The following GABPB2 variants were observed in gnomAD, a reference collection of about 807,000 sequenced individuals.
GABPB2 encodes the protein GA binding protein transcription factor subunit beta 2.
GABPB2 carries 23 observed loss-of-function variants against 39.1 expected under a neutral mutation model. That is an observed-to-expected ratio of 0.59 (90% CI 0.42 to 0.83). The LOEUF is 0.83. Among genes scored for constraint, GABPB2 ranks in the 40% least tolerant of loss-of-function variants. GABPB2 has a pLI of 0.00. For missense variants in GABPB2, 467 were observed against 541.1 expected (o/e 0.86, Z 1.36); for synonymous variants, 184 against 199.3 (o/e 0.92, Z 0.65).
chr1:151,109,944 T>C (rs1336553171), intron 7 of GABPB2, among the ~76,000 whole-genome samples: 2 of 150,834 alleles, frequency 1.3e-5, no homozygotes, highest in African/African-American at 2.4e-5. Context: ...GTTCAAGTGA[T>C]TCTCCTGCCT....
rs1395955733 is a variant in GABPB2 at position 151,101,052 on chromosome 1, CTGGGCAGCA to C, written c.623-2506_623-2498del. 1.3e-3 allele frequency among the ~76,000 whole-genome samples: 196 copies of C among 150,856 alleles called. 2 individuals are homozygous for C. The highest frequency in any genetic ancestry group is 4.5e-3 in the African/African-American group (186 of 41,034). On this transcript the variant is annotated intron_variant, in intron 5 of 8. Coordinates refer to ENST00000368918, the MANE Select transcript of GABPB2 (RefSeq NM_144618.3). Reference sequence around the variant, plus strand: ...TTGAACTCATGAGTTCGAGAGCAGCCTGGGCAGCATGGTGAAACCTGGTCTGTACAAAAA... The same window carrying C: ...TTGAACTCATGAGTTCGAGAGCAGCCTGGTGAAACCTGGTCTGTACAAAAA...
intron 5 of GABPB2, among the ~76,000 whole-genome samples, chr1:151,102,087 G>A (rs1010117347): frequency 1.3e-5 from 2 of 152,182 alleles, no homozygotes; most frequent in Non-Finnish European, 2.9e-5. Context: ...TTGGGAGGCC[G>A]AAGCAGGCAG....
chr1:151,078,964 G>C (rs1409517929), intron 1 of GABPB2, among the ~76,000 whole-genome samples: 1 of 151,954 alleles, frequency 6.6e-6, no homozygotes, highest in Non-Finnish European at 1.5e-5. Context: ...GAGCCACTGT[G>C]CCTGGCTACA....
At position 151,074,827 on chromosome 1, in the gene GABPB2, G is replaced by A. The variant is rs115405434; in HGVS notation, c.-1+3893G>A. 3.3e-3 allele frequency among the ~76,000 whole-genome samples: 496 copies of A among 152,124 alleles called. 2 individuals carry two copies. The highest frequency in any genetic ancestry group is 8.3e-3 in the South Asian group (40 of 4,826). On this transcript the variant is annotated intron_variant, in intron 1 of 8. Transcript: ENST00000368918. Reference sequence around the variant, plus strand: ...GCAAAGTCTTTATGATCTGTATCTCGTGCTGACCTCCTATCTCATCCTGTA... The same window carrying A: ...GCAAAGTCTTTATGATCTGTATCTCATGCTGACCTCCTATCTCATCCTGTA...
intron 3 of GABPB2, among the ~76,000 whole-genome samples, chr1:151,092,834 CT>C (rs1678826589): frequency 6.6e-6 from 1 of 152,188 alleles, no homozygotes; most frequent in East Asian, 1.9e-4. Flanking sequence ...TTTTTAAAGG[CT>C]AAACAGACTT....
rs587743802 is a variant in GABPB2, at chr1:151,093,077, G to A, written c.277-115G>A. 5 of 749,362 alleles carry A rather than the reference G, an allele frequency of 6.7e-6. No homozygotes were observed. The Admixed American group carries it at 1.4e-4, about 20-fold the overall frequency. 46.4% of individuals were successfully genotyped at this position (749,362 alleles called of 1,614,324 possible). ...TTTTTCCCTTTGATATTCCTTAAAT[G>A]TGATCTAGATTTGAGTACGTAATCT... is the stretch of plus-strand genomic sequence containing the variant. On this transcript the variant is annotated intron_variant, in intron 3 of 8. Transcript: ENST00000368918.
At chr1:151,102,133 C>A (rs1679574366) in intron 5 of GABPB2, among the ~76,000 whole-genome samples, 1 of 152,086 alleles carries the variant, frequency 6.6e-6, no homozygotes, top group African/African-American at 2.4e-5. Flanking sequence ...CCAGCCTGGG[C>A]AACATGGCGA....
chr1:151,104,344 G>C (rs1196198380), intron 6 of GABPB2, among the ~76,000 whole-genome samples: 2 of 152,150 alleles, frequency 1.3e-5, no homozygotes, highest in African/African-American at 4.8e-5. Context: ...CTGGCCATCT[G>C]CTCCATCATA....
chr1:151,087,449 C>A (rs1205620305), intron 1 of GABPB2, among the ~76,000 whole-genome samples: 3 of 151,894 alleles, frequency 2.0e-5, no homozygotes, highest in Admixed American at 6.6e-5. Context: ...GAGTTCAAGA[C>A]CAGCCTGGCC....
In GABPB2 at chr1:151,118,224, A is replaced by G. The variant is rs41315557; in HGVS notation, c.1315A>G (p.Thr439Ala). ...TGSAGTTEPH[T>A]RVSMATVSS ...GTCAGCAGGGACCACAGAGCCTCAC[A>G]CTAGAGTTTCCATGGCAACTGTTTC... The change falls in exon 9 of 9, where the codon ACT becomes GCT. Residue 439 changes from threonine (T) to alanine (A), a missense_variant. Thr to Ala is a moderately conservative substitution (Grantham distance 58). Coordinates refer to ENST00000368918, the MANE Select transcript of GABPB2 (RefSeq NM_144618.3). The G allele has an allele frequency of 1.7e-5, 27 of 1,613,592 alleles. No homozygotes were observed. Among genetic ancestry groups the G allele is most frequent in the Non-Finnish European group, 2.3e-5 (27 of 1,179,598 alleles).
intron 4 of GABPB2, among the ~76,000 whole-genome samples, chr1:151,093,883 G>A (rs1047261945): frequency 1.3e-5 from 2 of 151,846 alleles, no homozygotes; most frequent in African/African-American, 4.8e-5. Flanking sequence ...GTTTATGCAG[G>A]TGTAACCCCA....
Position 151,107,221 on chromosome 1 carries a change from A to G in GABPB2, c.921A>G (p.Gln307=). 1.9e-6 allele frequency: 3 copies of G among 1,570,240 alleles called. No individual in the cohort carries two copies. The highest frequency in any genetic ancestry group is 1.7e-6 in the Non-Finnish European group (2 of 1,160,092). The part of the protein sequence containing the change: ...PFIVTVQDGQ[Q]VLTVPAGKVA... ...TTGTAACTGTGCAAGATGGACAGCA[A>G]GGTGAGTTATCTCTTGTAGACAATT... Residue 307 remains glutamine, a splice_region_variant and synonymous_variant, in exon 7 of 9, where the codon CAA becomes CAG. Transcript: ENST00000368918.
Position 151,118,884 on chromosome 1 carries a change from CCT to C in GABPB2, c.*630_*631del, listed in dbSNP as rs1681070045. Reference sequence around the variant, plus strand: ...GTGGTGCAATCTTGGCTCACTGCAACCTCCGCCTCCAGGGCGCAGCCTCCTGA... The same window carrying C: ...GTGGTGCAATCTTGGCTCACTGCAACCCGCCTCCAGGGCGCAGCCTCCTGA... On this transcript the variant is annotated 3_prime_UTR_variant, in exon 9 of 9. Coordinates refer to ENST00000368918, the MANE Select transcript of GABPB2 (RefSeq NM_144618.3). 2.0e-5 allele frequency: 3 copies of C among 151,802 alleles called. No homozygotes were observed. The highest frequency in any genetic ancestry group is 4.4e-5 in the Non-Finnish European group (3 of 68,088). The allele number at this position is 151,802 out of a possible 1,614,324, so 9.4% of individuals were successfully genotyped here.
Position 151,118,258 on chromosome 1 carries a change from A to G in GABPB2, c.*2A>G, listed in dbSNP as rs755006290. On this transcript the variant is annotated 3_prime_UTR_variant, in exon 9 of 9. Transcript: ENST00000368918. Reference sequence around the variant, plus strand: ...TCCATGGCAACTGTTTCATCTTAATATGCAAGGGCCACAATTTGCACTGTG... The same window carrying G: ...TCCATGGCAACTGTTTCATCTTAATGTGCAAGGGCCACAATTTGCACTGTG... 1.8e-5 allele frequency: 29 copies of G among 1,610,072 alleles called. No individual in the cohort carries two copies. Among genetic ancestry groups the G allele is most frequent in the Non-Finnish European group, 2.2e-5 (26 of 1,177,254 alleles).
At chr1:151,086,545 C>T (rs1571912020) in intron 1 of GABPB2, among the ~76,000 whole-genome samples, 2 of 152,128 alleles carry the variant, frequency 1.3e-5, no homozygotes, top group African/African-American at 4.8e-5. Flanking sequence ...TGTATTATAA[C>T]AAAAATAGTT....
chr1:151,113,363 G>A (rs182678434), intron 7 of GABPB2, among the ~76,000 whole-genome samples: 45 of 151,828 alleles, frequency 3.0e-4, no homozygotes, highest in East Asian at 1.8e-3. Context: ...CTGCTACTCC[G>A]GAGGCTGAGT....
chr1:151,101,344 G>A, intron 5 of GABPB2, among the ~76,000 whole-genome samples: 1 of 152,236 alleles, frequency 6.6e-6, no homozygotes, highest in South Asian at 2.1e-4. Flanking sequence ...GGAGGCCGAG[G>A]TGGGCAGATC....
At chr1:151,085,743 C>T (rs1023750947) in intron 1 of GABPB2, among the ~76,000 whole-genome samples, 4 of 152,262 alleles carry the variant, frequency 2.6e-5, no homozygotes, top group Middle Eastern at 3.4e-3. Context: ...TGAGCCACTG[C>T]GCCTGGCCAA....
chr1:151,072,530 C>G (rs1371009772), intron 1 of GABPB2, among the ~76,000 whole-genome samples: 3 of 151,622 alleles, frequency 2.0e-5, no homozygotes, highest in African/African-American at 7.3e-5. Flanking sequence ...GCCTGGACCA[C>G]AGAGTGAGGC....
Sources: gnomAD v4.1 joint callset for allele counts (sites outside exome capture counted in the v4.1 genomes callset) on GRCh38, gnomAD v4.1.1 for gene constraint, MANE v1.5 for transcripts, NCBI Gene and HGNC (gene_info 2026-07-23, HGNC 2026-07-21) for gene names.